Variants in RANBP17 observed in about 807,000 individuals in gnomAD.
The protein encoded by RANBP17 is RAN binding protein 17, also known as ran-binding protein 17.
RANBP17 carries 158 observed loss-of-function variants against 141.2 expected under a neutral mutation model. That is an observed-to-expected ratio of 1.12 (90% CI 0.98 to 1.28). The LOEUF is 1.28. RANBP17 is among the 50% of genes most tolerant of loss of function. The pLI, the probability that RANBP17 is intolerant of heterozygous loss-of-function variation, is 0.00. For missense variants in RANBP17, 1,438 were observed against 1,290.7 expected (o/e 1.11, Z -1.75); for synonymous variants, 430 against 450.0 (o/e 0.96, Z 0.56).
chr5:171,251,782 T>A lies in RANBP17; in HGVS notation c.2776+8962T>A. 5 of 1,088,416 alleles carry A rather than the reference T, an allele frequency of 4.6e-6. No homozygotes were observed. In the Middle Eastern group the frequency reaches 8.7e-4, roughly 190 times the overall value. The allele number at this position is 1,088,416 out of a possible 1,614,324, so 67.4% of individuals were successfully genotyped here. ...CTCCTCCCGCGCCCGCCCCCGCCTC[T>A]GTGATTGGGTGGAAGATGGTGCTGG... On this transcript the variant is annotated intron_variant, in intron 24 of 27. Transcript: ENST00000523189.
chr5:171,249,868 T>A (rs1765442702), intron 24 of RANBP17, among the ~76,000 whole-genome samples: 1 of 152,204 alleles, frequency 6.6e-6, no homozygotes, highest in Non-Finnish European at 1.5e-5. Context: ...AAATTTCCCA[T>A]TTATTACAAG....
intron 14 of RANBP17, among the ~76,000 whole-genome samples, chr5:171,162,920 C>T (rs1188739131): frequency 6.6e-6 from 1 of 152,170 alleles, no homozygotes; most frequent in Non-Finnish European, 1.5e-5. Context: ...TTCAAGCAGA[C>T]TGGGAATGCC....
chr5:171,091,861 T>C (rs1280096238), intron 14 of RANBP17, among the ~76,000 whole-genome samples: 5 of 152,116 alleles, frequency 3.3e-5, no homozygotes, highest in Non-Finnish European at 7.4e-5. Context: ...CCAGTAAACT[T>C]CTTTCTTTTG....
intron 14 of RANBP17, among the ~76,000 whole-genome samples, chr5:171,007,086 C>T (rs1029962019): frequency 3.9e-5 from 6 of 152,084 alleles, no homozygotes; most frequent in Non-Finnish European, 7.3e-5. Flanking sequence ...AAAAGTCTTT[C>T]CCGTTCATCT....
intron 14 of RANBP17, among the ~76,000 whole-genome samples, chr5:171,021,490 A>G (rs902023179): frequency 2.0e-5 from 3 of 149,902 alleles, no homozygotes; most frequent in Non-Finnish European, 3.0e-5. Context: ...TTTTTTCTCT[A>G]CTCTTGTCTT....
chr5:170,874,011 A>G (rs999480499), intron 1 of RANBP17, among the ~76,000 whole-genome samples: 1 of 152,112 alleles, frequency 6.6e-6, no homozygotes, highest in African/African-American at 2.4e-5. Flanking sequence ...TAATGCTGCT[A>G]TAGGTACATC....
At chr5:170,888,335 G>A (rs1031437415) in intron 3 of RANBP17, among the ~76,000 whole-genome samples, 1 of 152,114 alleles carries the variant, frequency 6.6e-6, no homozygotes, top group Non-Finnish European at 1.5e-5. Context: ...TGAGTTTCCT[G>A]TCTAGGAACA....
chr5:171,052,316 T>A lies in RANBP17; in HGVS notation c.1710+83939T>A, dbSNP rs72827524. Among the ~76,000 whole-genome samples, 910 of 152,278 alleles carry A rather than the reference T, an allele frequency of 6.0e-3. 2 individuals carry two copies. In the Middle Eastern group the frequency reaches 0.061, roughly 10 times the overall value. On this transcript the variant is annotated intron_variant, in intron 14 of 27. Transcript: ENST00000523189. ...TGGTTTTTGAGTCAAATCTAAGAATTTAATAACAGTTACAAGGTCATGAAG... is the reference window on the plus strand; with the variant it reads ...TGGTTTTTGAGTCAAATCTAAGAATATAATAACAGTTACAAGGTCATGAAG...
intron 18 of RANBP17, among the ~76,000 whole-genome samples, chr5:171,191,941 G>A (rs1352303148): frequency 2.0e-5 from 3 of 152,144 alleles, no homozygotes; most frequent in East Asian, 1.9e-4. Flanking sequence ...CTTTCTAAGC[G>A]TCTATGAAAT....
At chr5:170,986,906 A>G (rs891283108) in intron 14 of RANBP17, among the ~76,000 whole-genome samples, 7 of 151,886 alleles carry the variant, frequency 4.6e-5, no homozygotes, top group African/African-American at 1.4e-4. Context: ...TCATGATAGT[A>G]TCTTCAATGG....
rs372379343 is a variant in RANBP17, at chr5:170,919,494, G to A, written c.1155G>A (p.Arg385=). 1 of 1,611,060 alleles carries A rather than the reference G, an allele frequency of 6.2e-7. No individual in the cohort carries two copies. The highest frequency in any genetic ancestry group is 8.5e-7 in the Non-Finnish European group (1 of 1,178,816). ...SVHYLLTLWQ[R]MVASVPFVKS... Reference sequence around the variant, plus strand: ...ATTATTTATTAACTCTGTGGCAAAGGATGGTAGCATCTGTTCCTTTTGTGA... The same window carrying A: ...ATTATTTATTAACTCTGTGGCAAAGAATGGTAGCATCTGTTCCTTTTGTGA... The change falls in exon 11 of 28, where the codon AGG becomes AGA. Residue 385 remains arginine (R), a synonymous_variant. Coordinates refer to ENST00000523189, the MANE Select transcript of RANBP17 (RefSeq NM_022897.5).
At chr5:170,916,701 T>C (rs1772003739) in intron 9 of RANBP17, 117 bp downstream of exon 9, 5 of 618,450 alleles carry the variant, frequency 8.1e-6, no homozygotes, top group African/African-American at 1.9e-5. Flanking sequence ...TAGTATCATA[T>C]ATATCTTCCT....
In RANBP17 at chr5:170,933,336, A is replaced by G. The variant is rs180995355; in HGVS notation, c.1468+8786A>G. On this transcript the variant is annotated intron_variant, in intron 12 of 27. Transcript: ENST00000523189. Reference sequence around the variant, plus strand: ...TATTAGTCTTACTAGCGGTCTATCAATTTTGTTGATCTTTTCAAAAAAACC... The same window carrying G: ...TATTAGTCTTACTAGCGGTCTATCAGTTTTGTTGATCTTTTCAAAAAAACC... Among the ~76,000 whole-genome samples the G allele has an allele frequency of 1.1e-4, 16 of 151,654 alleles. No individual in the cohort carries two copies. The South Asian group carries it at 1.3e-3, about 12-fold the overall frequency.
At chr5:171,132,430 T>C (rs1481784799) in intron 14 of RANBP17, among the ~76,000 whole-genome samples, 1 of 151,586 alleles carries the variant, frequency 6.6e-6, no homozygotes, top group Non-Finnish European at 1.5e-5. Context: ...GTTTTGATAA[T>C]AGTTTATTTG....
At chr5:171,074,538 A>G (rs1301555355) in intron 14 of RANBP17, among the ~76,000 whole-genome samples, 1 of 152,222 alleles carries the variant, frequency 6.6e-6, no homozygotes, top group Non-Finnish European at 1.5e-5. Context: ...GGAAGATGCT[A>G]ACGTTAGGAG....
At chr5:171,153,958 C>T (rs1295049252) in intron 14 of RANBP17, among the ~76,000 whole-genome samples, 1 of 151,860 alleles carries the variant, frequency 6.6e-6, no homozygotes, top group South Asian at 2.1e-4. Context: ...ACCAAGGAGG[C>T]GGAGGTTGCA....
chr5:171,243,457 A>G (rs749146175), intron 24 of RANBP17, among the ~76,000 whole-genome samples: 3 of 152,156 alleles, frequency 2.0e-5, no homozygotes, highest in Non-Finnish European at 4.4e-5. Flanking sequence ...TTATTTGACT[A>G]TTTTGAATAC....
chr5:171,011,420 T>A (rs1780024331), intron 14 of RANBP17, among the ~76,000 whole-genome samples: 1 of 152,022 alleles, frequency 6.6e-6, no homozygotes, highest in African/African-American at 2.4e-5. Flanking sequence ...TTCTTTTTTT[T>A]AATATGTGTT....
chr5:171,213,913 G>A (rs1322947108), intron 21 of RANBP17, among the ~76,000 whole-genome samples, 175 bp downstream of exon 21: 1 of 152,072 alleles, frequency 6.6e-6, no homozygotes, highest in Admixed American at 6.6e-5. Context: ...GGCCTTTTGA[G>A]AGAAAAAAGT....
Sources: gnomAD v4.1 joint callset for allele counts (sites outside exome capture counted in the v4.1 genomes callset) on GRCh38, gnomAD v4.1.1 for gene constraint, MANE v1.5 for transcripts, NCBI Gene and HGNC (gene_info 2026-07-23, HGNC 2026-07-21) for gene names.